Variants in ERBB4 observed in about 807,000 individuals in gnomAD.
ERBB4 encodes receptor tyrosine-protein kinase erbB-4.
ERBB4 carries 42 observed loss-of-function variants against 158.0 expected under a neutral mutation model. The observed-to-expected ratio is 0.27, with a 90% CI of 0.21 to 0.34. ERBB4 has a LOEUF of 0.34. ERBB4 is among the 10% of genes least tolerant of loss of function. The probability of loss-of-function intolerance (pLI) is 1.00; values close to 1 mark genes in which losing one functional copy is unlikely to be tolerated. For missense variants in ERBB4, 1,333 were observed against 1,624.1 expected, an observed-to-expected ratio of 0.82 and a Z score of 3.08; for synonymous variants, 583 against 558.7, an observed-to-expected ratio of 1.04 and a Z score of -0.61.
At chr2:211,967,966 G>T (rs1209300612) in intron 2 of ERBB4, among the ~76,000 whole-genome samples, 1 of 151,688 alleles carries the variant, frequency 6.6e-6, no homozygotes, top group African/African-American at 2.4e-5. Flanking sequence ...GTAGAATCTA[G>T]CAAAGTATCA....
intron 2 of ERBB4, among the ~76,000 whole-genome samples, chr2:212,048,322 C>T (rs1304962214): frequency 1.3e-5 from 2 of 152,152 alleles, no homozygotes; most frequent in Non-Finnish European, 2.9e-5. Context: ...AATTGGTTTT[C>T]ACAGTCTTAA....
chr2:211,638,904 G>A (rs1490009640), intron 16 of ERBB4, among the ~76,000 whole-genome samples: 2 of 152,026 alleles, frequency 1.3e-5, no homozygotes, highest in East Asian at 3.8e-4. Flanking sequence ...AAATTTTGGG[G>A]AAGTACATAA....
At chr2:212,013,942 C>T (rs2076450449) in intron 2 of ERBB4, among the ~76,000 whole-genome samples, 3 of 152,216 alleles carry the variant, frequency 2.0e-5, no homozygotes, top group Non-Finnish European at 4.4e-5. Flanking sequence ...TGTCATACGT[C>T]ATTACTGCAG....
At chr2:211,566,539 A>AT (rs1179755665) in intron 19 of ERBB4, among the ~76,000 whole-genome samples, 1 of 152,228 alleles carries the variant, frequency 6.6e-6, no homozygotes, top group African/African-American at 2.4e-5. Flanking sequence ...AACATTTGAA[A>AT]TAAAGCAAAG....
At chr2:211,386,831 T>C (rs1271029355) in intron 27 of ERBB4, 22 bp downstream of exon 27, 2 of 1,612,794 alleles carry the variant, frequency 1.2e-6, no homozygotes, top group East Asian at 2.2e-5. Flanking sequence ...ATGGCGATCG[T>C]TTCTGAATAA....
At chr2:211,736,079 C>G (rs2074589526) in intron 5 of ERBB4, among the ~76,000 whole-genome samples, 1 of 151,848 alleles carries the variant, frequency 6.6e-6, no homozygotes, top group Non-Finnish European at 1.5e-5. Flanking sequence ...AGGAGGATCA[C>G]TTGAGCCCTG....
chr2:211,887,993 G>C (rs988090223), intron 3 of ERBB4, among the ~76,000 whole-genome samples: 1 of 152,054 alleles, frequency 6.6e-6, no homozygotes, highest in Non-Finnish European at 1.5e-5. Context: ...CATTTTCATA[G>C]ACCATTATAA....
At chr2:212,350,621 C>T (rs572192409) in intron 1 of ERBB4, among the ~76,000 whole-genome samples, 5 of 152,060 alleles carry the variant, frequency 3.3e-5, no homozygotes, top group South Asian at 2.1e-4. Flanking sequence ...AATTGTAAAG[C>T]GATATTAAGT....
intron 2 of ERBB4, among the ~76,000 whole-genome samples, chr2:211,970,762 ATG>A (rs2081430402): frequency 6.6e-6 from 1 of 152,166 alleles, no homozygotes; most frequent in Admixed American, 6.5e-5. Flanking sequence ...TTTTGAGCCT[ATG>A]TGTGTCATAG....
intron 1 of ERBB4, among the ~76,000 whole-genome samples, chr2:212,331,075 C>CGTATATAT (rs961860230): frequency 1.4e-4 from 3 of 21,362 alleles, no homozygotes; most frequent in South Asian, 1.7e-3. Flanking sequence ...TATATATACA[C>CGTATATAT]ATATATATAT....
intron 1 of ERBB4, among the ~76,000 whole-genome samples, chr2:212,511,578 G>C (rs7593163): frequency 0.063 from 9,592 of 152,048 alleles, 673 homozygotes; most frequent in African/African-American, 0.18. Context: ...GTCTCTTTCA[G>C]ACCAAGATTC....
chr2:211,858,196 T>A (rs1008718742), intron 3 of ERBB4, among the ~76,000 whole-genome samples: 1 of 152,076 alleles, frequency 6.6e-6, no homozygotes, highest in East Asian at 1.9e-4. Flanking sequence ...GAGTGCACAG[T>A]GATACTGAGA....
chr2:211,974,888 T>C (rs868571901), intron 2 of ERBB4, among the ~76,000 whole-genome samples: 1 of 152,222 alleles, frequency 6.6e-6, no homozygotes, highest in Non-Finnish European at 1.5e-5. Context: ...ATACATGCAT[T>C]CATGGGATCC....
chr2:211,906,124 G>C (rs930062445), intron 3 of ERBB4, among the ~76,000 whole-genome samples: 7 of 152,054 alleles, frequency 4.6e-5, no homozygotes, highest in Non-Finnish European at 1.0e-4. Flanking sequence ...GTACAAAATA[G>C]ACTGTTGGAA....
chr2:211,710,637 A>G (rs1484302128), intron 9 of ERBB4, among the ~76,000 whole-genome samples: 2 of 152,126 alleles, frequency 1.3e-5, no homozygotes, highest in Admixed American at 1.3e-4. Context: ...AGCTCCTACA[A>G]TTCCCACGTG....
At chr2:212,171,869 C>A (rs1248241779) in intron 1 of ERBB4, among the ~76,000 whole-genome samples, 1 of 151,974 alleles carries the variant, frequency 6.6e-6, no homozygotes, top group Non-Finnish European at 1.5e-5. Flanking sequence ...CAGACCAATA[C>A]AATGATTAAG....
chr2:212,239,085 G>T (rs978655594), intron 1 of ERBB4, among the ~76,000 whole-genome samples: 1 of 152,162 alleles, frequency 6.6e-6, no homozygotes, highest in African/African-American at 2.4e-5. Context: ...ATAGGGTCTT[G>T]CTCTGTTGCC....
chr2:211,485,181 T>C (rs1193161598), intron 20 of ERBB4, among the ~76,000 whole-genome samples: 1 of 152,152 alleles, frequency 6.6e-6, no homozygotes, highest in Non-Finnish European at 1.5e-5. Flanking sequence ...TACTTTCATT[T>C]ACCTTCTTTT....
intron 2 of ERBB4, among the ~76,000 whole-genome samples, chr2:212,006,000 G>A (rs1030566526): frequency 1.8e-5 from 1 of 54,532 alleles, no homozygotes; most frequent in African/African-American, 3.9e-5. Flanking sequence ...ACTATGGCCT[G>A]CCACTGAAAA....
Sources: gnomAD v4.1 joint callset for allele counts (sites outside exome capture counted in the v4.1 genomes callset) on GRCh38, gnomAD v4.1.1 for gene constraint, MANE v1.5 for transcripts, NCBI Gene and HGNC (gene_info 2026-07-23, HGNC 2026-07-21) for gene names.